The following SLC16A7 variants were observed in gnomAD, a reference collection of about 807,000 sequenced individuals.
The protein encoded by SLC16A7 is solute carrier family 16 member 7.
Under a neutral mutation model 34.9 loss-of-function variants are expected in SLC16A7, and 33 were observed. That is an observed-to-expected ratio of 0.94 (90% CI 0.72 to 1.26). The LOEUF is 1.26. SLC16A7 is among the 50% of genes most tolerant of loss of function. The pLI is 0.00. For synonymous variants in SLC16A7, 201 were observed against 206.6 expected (o/e 0.97, Z 0.23); for missense variants, 573 against 578.1 (o/e 0.99, Z 0.09).
At chr12:59,678,775 G>C (rs1260834851) in intron 2 of SLC16A7, among the ~76,000 whole-genome samples, 2 of 152,066 alleles carry the variant, frequency 1.3e-5, no homozygotes, top group Admixed American at 6.5e-5. Flanking sequence ...ATCCCTTTCT[G>C]CCCAGGAGTC....
At chr12:59,656,311 G>C (rs573080456) in intron 2 of SLC16A7, among the ~76,000 whole-genome samples, 17 of 152,084 alleles carry the variant, frequency 1.1e-4, no homozygotes, top group African/African-American at 4.1e-4. Context: ...ATGGAATTAA[G>C]GTTGCTAATC....
intron 1 of SLC16A7, among the ~76,000 whole-genome samples, chr12:59,638,225 CTT>C (rs1880524168): frequency 6.6e-6 from 1 of 152,152 alleles, no homozygotes; most frequent in Admixed American, 6.5e-5. Flanking sequence ...TTTTTGGACT[CTT>C]TGTGTAGCAT....
intron 2 of SLC16A7, among the ~76,000 whole-genome samples, chr12:59,682,858 A>T (rs970289211): frequency 2.0e-5 from 3 of 152,116 alleles, no homozygotes; most frequent in African/African-American, 7.2e-5. Context: ...CCTGAGGTCG[A>T]GAGTTCGAGA....
At chr12:59,711,520 T>C (rs1239523611) in intron 3 of SLC16A7, among the ~76,000 whole-genome samples, 3 of 152,150 alleles carry the variant, frequency 2.0e-5, no homozygotes, top group Non-Finnish European at 2.9e-5. Flanking sequence ...GAGGACTCAA[T>C]TGCATTTTGT....
intron 1 of SLC16A7, among the ~76,000 whole-genome samples, chr12:59,630,329 C>T (rs1880124800): frequency 6.6e-6 from 1 of 151,712 alleles, no homozygotes; most frequent in Admixed American, 6.6e-5. Flanking sequence ...AAATGTAATC[C>T]AGTACATTTT....
chr12:59,705,085 C>T (rs1873410962), intron 3 of SLC16A7, 67 bp downstream of exon 3: 5 of 1,093,084 alleles, frequency 4.6e-6, no homozygotes, highest in Non-Finnish European at 7.0e-6. Flanking sequence ...CAATGTTTTA[C>T]ATGGAGTGTC....
chr12:59,691,631 G>A (rs1347795298), intron 2 of SLC16A7, among the ~76,000 whole-genome samples: 1 of 151,898 alleles, frequency 6.6e-6, no homozygotes, highest in Middle Eastern at 3.2e-3. Context: ...AACCTAAGTA[G>A]TCTTTCTGTG....
intron 3 of SLC16A7, chr12:59,735,926 A>G: frequency 1.6e-6 from 2 of 1,251,174 alleles, no homozygotes; most frequent in Non-Finnish European, 2.1e-6. Flanking sequence ...TATGACTTTG[A>G]TAGGAAAAAA....
chr12:59,683,123 A>G lies in SLC16A7; in HGVS notation c.-30-21649A>G, dbSNP rs536715676. On this transcript the variant is annotated intron_variant, in intron 2 of 5. Coordinates refer to ENST00000547379, the MANE Select transcript of SLC16A7 (RefSeq NM_001270623.2). ...GATGTTGAGAAATTGTGAAATAAAT[A>G]TAACATTTAACAGAAAATTTCTCAA... 1.3e-3 allele frequency among the ~76,000 whole-genome samples: 201 copies of G among 152,354 alleles called. 1 individual carries two copies. Among genetic ancestry groups the G allele is most frequent in the South Asian group, 8.5e-3 (41 of 4,830 alleles).
chr12:59,694,435 A>T (rs1022495238), intron 2 of SLC16A7, among the ~76,000 whole-genome samples: 1 of 151,990 alleles, frequency 6.6e-6, no homozygotes, highest in Non-Finnish European at 1.5e-5. Context: ...AGATAAGTGT[A>T]CACCCATGAA....
chr12:59,689,708 G>A (rs574000291), intron 2 of SLC16A7, among the ~76,000 whole-genome samples: 9 of 151,978 alleles, frequency 5.9e-5, no homozygotes, highest in Non-Finnish European at 1.2e-4. Flanking sequence ...CTCCTCTTCC[G>A]TAGTGCCAGT....
intron 3 of SLC16A7, among the ~76,000 whole-genome samples, chr12:59,746,553 C>A (rs781119334): frequency 6.6e-6 from 1 of 152,142 alleles, no homozygotes; most frequent in African/African-American, 2.4e-5. Flanking sequence ...TCACATTTAA[C>A]GTTGAGCTGA....
intron 1 of SLC16A7, among the ~76,000 whole-genome samples, chr12:59,624,417 G>A (rs766078231): frequency 1.9e-4 from 29 of 151,538 alleles, no homozygotes; most frequent in Non-Finnish European, 3.5e-4. Context: ...GCCTGATTCT[G>A]TATCTGTTTT....
intron 3 of SLC16A7, among the ~76,000 whole-genome samples, chr12:59,737,203 G>A (rs1592606811): frequency 1.3e-5 from 2 of 152,178 alleles, no homozygotes; most frequent in East Asian, 3.9e-4. Context: ...TCCTCTCCAT[G>A]AGGTTATCTT....
chr12:59,737,153 A>T (rs1565683524), intron 3 of SLC16A7, among the ~76,000 whole-genome samples: 1 of 152,208 alleles, frequency 6.6e-6, no homozygotes, highest in Non-Finnish European at 1.5e-5. Flanking sequence ...TACAAAGGAC[A>T]TTTAGGGTCA....
chr12:59,759,170 A>C (rs922775352), intron 3 of SLC16A7, among the ~76,000 whole-genome samples: 2 of 152,052 alleles, frequency 1.3e-5, no homozygotes, highest in African/African-American at 2.4e-5. Flanking sequence ...GAAAGTAAGC[A>C]TATATTTTAT....
In SLC16A7 at chr12:59,632,486, G is replaced by A. The variant is rs562719930; in HGVS notation, c.-129-22666G>A. 5.9e-5 allele frequency among the ~76,000 whole-genome samples: 9 copies of A among 151,956 alleles called. No homozygotes were observed. In the East Asian group the frequency reaches 9.7e-4, roughly 16 times the overall value. On this transcript the variant is annotated intron_variant, in intron 1 of 5. Coordinates refer to ENST00000547379, the MANE Select transcript of SLC16A7 (RefSeq NM_001270623.2). ...TAGGGTTGGGTAAGGGAGGCAGCTGGGGCACAATATTTAAGGAGGCATTCA... is the reference window on the plus strand; with the variant it reads ...TAGGGTTGGGTAAGGGAGGCAGCTGAGGCACAATATTTAAGGAGGCATTCA...
chr12:59,669,928 T>A (rs769862541), intron 2 of SLC16A7, among the ~76,000 whole-genome samples: 16 of 152,336 alleles, frequency 1.1e-4, no homozygotes, highest in African/African-American at 3.6e-4. Flanking sequence ...TATAAAACTG[T>A]ACCTGGTAGA....
chr12:59,603,027 A>G (rs1464502358), intron 1 of SLC16A7, among the ~76,000 whole-genome samples: 2 of 151,810 alleles, frequency 1.3e-5, no homozygotes, highest in African/African-American at 2.4e-5. Flanking sequence ...TGTCACCCCC[A>G]TTCTTCATAT....
Sources: allele counts gnomAD v4.1 joint callset (sites outside exome capture counted in the v4.1 genomes callset), GRCh38; gene constraint gnomAD v4.1.1; transcripts MANE v1.5; gene names NCBI Gene and HGNC (gene_info 2026-07-23, HGNC 2026-07-21).